FGFRL1: variants seen among roughly 807,000 people sequenced by gnomAD.
FGFRL1 encodes the protein fibroblast growth factor receptor like 1.
A neutral mutation model predicts 36.8 loss-of-function variants in FGFRL1; 24 were observed. The ratio of observed to expected loss-of-function variants is 0.65; its 90% CI spans 0.47 to 0.92. The LOEUF is 0.92. Among genes scored for constraint, FGFRL1 ranks in the 40% least tolerant of loss-of-function variants. The pLI is 0.00. For missense variants in FGFRL1, 785 were observed against 753.4 expected (o/e 1.04, Z -0.49); for synonymous variants, 422 against 344.1 (o/e 1.23, Z -2.50).
Position 1,024,119 on chromosome 4 carries a change from C to CGCTGGCGGGCGGGGGGT in FGFRL1, c.718+24_718+40dup. ...TGTGATCCGTGAGTGTGGCCCCGGG[C>CGCTGGCGGGCGGGGGGT]GCTGGCGGGCGGGGGGTGCTGGTGG... is the stretch of plus-strand genomic sequence containing the variant. On this transcript the variant is annotated intron_variant, in intron 5 of 6. Coordinates refer to ENST00000510644, the MANE Select transcript of FGFRL1 (RefSeq NM_001004356.3). The CGCTGGCGGGCGGGGGGT allele has an allele frequency of 7.0e-7, 1 of 1,425,694 alleles. No homozygotes were observed. The highest frequency in any genetic ancestry group is 9.3e-7 in the Non-Finnish European group (1 of 1,078,596). 88.3% of individuals were successfully genotyped at this position (1,425,694 alleles called of 1,614,324 possible).
Position 1,024,291 on chromosome 4 carries a change from C to T in FGFRL1, c.719-20C>T, listed in dbSNP as rs183356176. ...TCCGGCGCGGCCCAGGAGCCATGCC[C>T]GCGTGCCACGTTCCCACAGAGCGGA... is the stretch of plus-strand genomic sequence containing the variant. On this transcript the variant is annotated intron_variant, in intron 5 of 6. Transcript: ENST00000510644. 6.1e-5 allele frequency: 96 copies of T among 1,568,164 alleles called. No homozygotes were observed. The African/African-American group carries it at 8.7e-4, about 14-fold the overall frequency.
intron 2 of FGFRL1, among the ~76,000 whole-genome samples, chr4:1,015,285 G>A (rs1715830035): frequency 6.6e-6 from 1 of 152,178 alleles, no homozygotes; most frequent in Admixed American, 6.5e-5. Context: ...GGAGGGAGAG[G>A]GATACCCACA....
chr4:1,012,379 C>T, intron 1 of FGFRL1, 91 bp from the exon 2 acceptor site: 11 of 1,457,106 alleles, frequency 7.5e-6, no homozygotes, highest in African/African-American at 1.5e-5. Flanking sequence ...GTGGGGAGGG[C>T]GGCCAGACCC....
Position 1,025,605 on chromosome 4 carries a change from A to G in FGFRL1, c.*258A>G. The G allele has an allele frequency of 7.3e-6, 4 of 550,676 alleles. No homozygotes were observed. The highest frequency in any genetic ancestry group is 9.6e-6 in the Non-Finnish European group (3 of 312,724). The allele number at this position is 550,676 out of a possible 1,614,324, so 34.1% of individuals were successfully genotyped here. A position where few individuals can be genotyped will look rare whatever the true frequency, so the allele number is the denominator to read the frequency against. On this transcript the variant is annotated 3_prime_UTR_variant, in exon 7 of 7. Transcript: ENST00000510644. ...TACGCACACACGCACATGCACAGAT[A>G]TGCCGCCTGGGCACACAGATAAGCT...
At position 1,025,314 on chromosome 4, in the gene FGFRL1, C is replaced by T; in HGVS notation, c.1482C>T (p.Gly494=). 1 of 1,560,740 alleles carries T rather than the reference C, an allele frequency of 6.4e-7. No homozygotes were observed. Among genetic ancestry groups the T allele is most frequent in the Admixed American group, 1.9e-5 (1 of 52,306 alleles). Residue 494 remains glycine (G), a synonymous_variant, in exon 7 of 7, where the codon GGC becomes GGT. Transcript: ENST00000510644. ...THSHTHSHVE[G]KVHQHIHYQC Reference sequence around the variant, plus strand: ...CTCACACACACTCACACGTGGAGGGCAAGGTCCACCAGCACATCCACTATC... The same window carrying T: ...CTCACACACACTCACACGTGGAGGGTAAGGTCCACCAGCACATCCACTATC...
rs372989596 is a variant in FGFRL1 at position 1,024,766 on chromosome 4, G to A, written c.1072+102G>A. On this transcript the variant is annotated intron_variant, in intron 6 of 6. Coordinates refer to ENST00000510644, the MANE Select transcript of FGFRL1 (RefSeq NM_001004356.3). ...GTGGGGCCCCACCCTTCCCTCCCGG[G>A]CCGTGCTGGCCAGGTCATCTGCCGA... The A allele has an allele frequency of 3.4e-3, 4,716 of 1,404,740 alleles. 167 individuals are homozygous for A. The South Asian group carries it at 0.054, about 16-fold the overall frequency. The allele number at this position is 1,404,740 out of a possible 1,614,324, so 87.0% of individuals were successfully genotyped here. A position where few individuals can be genotyped will look rare whatever the true frequency, so the allele number is the denominator to read the frequency against.
intron 2 of FGFRL1, 35 bp from the exon 3 acceptor site, chr4:1,022,168 C>A: frequency 8.1e-6 from 12 of 1,480,928 alleles, no homozygotes; most frequent in Non-Finnish European, 8.1e-6. Flanking sequence ...ACCCCAAGCC[C>A]CTCCTCGCTG....
rs997527849 is a variant in FGFRL1 at position 1,024,960 on chromosome 4, G to A, written c.1128G>A (p.Pro376=). 9 of 1,608,032 alleles carry A rather than the reference G, an allele frequency of 5.6e-6. No homozygotes were observed. The highest frequency in any genetic ancestry group is 1.3e-5 in the African/African-American group (1 of 74,852). ...VASSSSATSL[P]WPVVIGIPAG... Reference sequence around the variant, plus strand: ...CCTCGTCCTCGGCCACTAGCCTGCCGTGGCCCGTGGTCATCGGCATCCCAG... The same window carrying A: ...CCTCGTCCTCGGCCACTAGCCTGCCATGGCCCGTGGTCATCGGCATCCCAG... Residue 376 remains proline (P), a synonymous_variant, in exon 7 of 7, where the codon CCG becomes CCA. Transcript: ENST00000510644.
intron 6 of FGFRL1, 69 bp from the exon 7 acceptor site, chr4:1,024,836 G>A (rs551593667): frequency 1.3e-6 from 2 of 1,497,764 alleles, no homozygotes; most frequent in African/African-American, 1.4e-5. Context: ...CCTGGGATGG[G>A]TCTGGGGTGC....
chr4:1,024,132 G>T (rs1406819646), intron 5 of FGFRL1, 31 bp downstream of exon 5: 1 of 1,431,842 alleles, frequency 7.0e-7, no homozygotes. Context: ...TGGCGGGCGG[G>T]GGGTGCTGGT....
rs776565730 is a variant in FGFRL1, at chr4:1,023,923, C to T, written c.540C>T (p.Pro180=). 36 of 1,582,144 alleles carry T rather than the reference C, an allele frequency of 2.3e-5. No homozygotes were observed. The East Asian group carries it at 3.0e-4, about 13-fold the overall frequency. Residue 180 remains proline (P), a synonymous_variant, in exon 5 of 7, where the codon CCC becomes CCT. Coordinates refer to ENST00000510644, the MANE Select transcript of FGFRL1 (RefSeq NM_001004356.3). The surrounding 1 kb of genome is among the most constrained non-coding windows in gnomAD (Gnocchi z 6.0). ...LKCVASGHPR[P]DITWMKDDQA... Reference sequence around the variant, plus strand: ...GCGTGGCCAGCGGGCACCCTCGGCCCGACATCACGTGGATGAAGGACGACC... The same window carrying T: ...GCGTGGCCAGCGGGCACCCTCGGCCTGACATCACGTGGATGAAGGACGACC...
At chr4:1,020,134 G>A (rs1422462375) in intron 2 of FGFRL1, among the ~76,000 whole-genome samples, 2 of 152,246 alleles carry the variant, frequency 1.3e-5, no homozygotes, top group African/African-American at 2.4e-5. Flanking sequence ...GAAGACGCCA[G>A]TGGGAGACGT....
At chr4:1,011,342 G>C (rs1423605527), upstream of FGFRL1, 1 of 149,852 alleles carries the variant, frequency 6.7e-6, no homozygotes. Context: ...AGGAGCCTGC[G>C]GGGACCAAGG....
At position 1,023,364 on chromosome 4, in the gene FGFRL1, C is replaced by T. The variant is rs1263035927; in HGVS notation, c.353-277C>T. 1.3e-5 allele frequency among the ~76,000 whole-genome samples: 2 copies of T among 152,160 alleles called. No homozygotes were observed. The highest frequency in any genetic ancestry group is 4.8e-5 in the African/African-American group (2 of 41,440). ...AGCTGCTGGCCGGGCCCGGCTCCCT[C>T]CTCCCCCGGGGCCTGCAGACCCCCC... On this transcript the variant is annotated intron_variant, in intron 3 of 6. Coordinates refer to ENST00000510644, the MANE Select transcript of FGFRL1 (RefSeq NM_001004356.3). This position sits in a 1 kb window ranked among gnomAD's most constrained non-coding sequence, Gnocchi z 6.0.
chr4:1,022,828 C>A (rs1255912232), intron 3 of FGFRL1, among the ~76,000 whole-genome samples: 1 of 152,094 alleles, frequency 6.6e-6, no homozygotes, highest in Non-Finnish European at 1.5e-5. Context: ...TTTCGGAGTT[C>A]AGAGGAGCCG....
chr4:1,022,409 G>A lies in FGFRL1; in HGVS notation c.286G>A (p.Val96Met), dbSNP rs200736918. 3.3e-4 allele frequency: 528 copies of A among 1,611,802 alleles called. No individual in the cohort carries two copies. Among genetic ancestry groups the A allele is most frequent in the Non-Finnish European group, 4.0e-4 (476 of 1,179,664 alleles). ...GCAGGTGGAGCGGGAGGATGCCGGC[G>A]TGTACGTGTGCAAGGCCACCAACGG... ...VKQVEREDAG[V>M]YVCKATNGFG... The change falls in exon 3 of 7, where the codon GTG (valine) becomes ATG (methionine). Residue 96 changes from valine to methionine, a missense_variant. Transcript: ENST00000510644.
At chr4:1,018,870 G>T (rs1716029629) in intron 2 of FGFRL1, among the ~76,000 whole-genome samples, 1 of 152,160 alleles carries the variant, frequency 6.6e-6, no homozygotes, top group East Asian at 1.9e-4. Context: ...GCCGGCAACA[G>T]CAGGGGGTCC....
rs1290092527 is a variant in FGFRL1 at position 1,023,326 on chromosome 4, C to A, written c.353-315C>A. Among the ~76,000 whole-genome samples the A allele has an allele frequency of 6.6e-6, 1 of 151,916 alleles. No individual in the cohort carries two copies. Among genetic ancestry groups the A allele is most frequent in the African/African-American group, 2.4e-5 (1 of 41,362 alleles). ...CCAGCCCTCGGCCCCTTGATGTAGGCTAGGGTTACTGCAGCTGCTGGCCGG... is the reference window on the plus strand; with the variant it reads ...CCAGCCCTCGGCCCCTTGATGTAGGATAGGGTTACTGCAGCTGCTGGCCGG... On this transcript the variant is annotated intron_variant, in intron 3 of 6. Coordinates refer to ENST00000510644, the MANE Select transcript of FGFRL1 (RefSeq NM_001004356.3). The surrounding 1 kb of genome is among the most constrained non-coding windows in gnomAD (Gnocchi z 6.0).
Position 1,023,818 on chromosome 4 carries a change from A to G in FGFRL1, c.435A>G (p.Ala145=), listed in dbSNP as rs1018586006. 1 of 1,577,098 alleles carries G rather than the reference A, an allele frequency of 6.3e-7. No homozygotes were observed. The highest frequency in any genetic ancestry group is 1.3e-5 in the African/African-American group (1 of 74,138). ...CCTCCACGCCACCCCACCCCGCAGCACGACCGCGCTTCACACAGCCCTCCA... is the reference window on the plus strand; with the variant it reads ...CCTCCACGCCACCCCACCCCGCAGCGCGACCGCGCTTCACACAGCCCTCCA... The part of the protein sequence containing the change: ...GQEDPASQQW[A]RPRFTQPSKM... The change falls in exon 5 of 7, where the codon GCA becomes GCG. Residue 145 remains alanine, a splice_region_variant and synonymous_variant. Coordinates refer to ENST00000510644, the MANE Select transcript of FGFRL1 (RefSeq NM_001004356.3). This position sits in a 1 kb window ranked among gnomAD's most constrained non-coding sequence, Gnocchi z 6.0.
Sources: gnomAD v4.1 joint callset for allele counts (sites outside exome capture counted in the v4.1 genomes callset) on GRCh38, gnomAD v4.1.1 for gene constraint, Gnocchi (gnomAD v3.1) non-coding constraint, MANE v1.5 for transcripts, NCBI Gene and HGNC (gene_info 2026-07-23, HGNC 2026-07-21) for gene names.